SORBS2: variants seen among roughly 807,000 people sequenced by gnomAD.
SORBS2 encodes sorbin and SH3 domain-containing protein 2.
Under a neutral mutation model 97.7 loss-of-function variants are expected in SORBS2, and 46 were observed. That is an observed-to-expected ratio of 0.47 (90% CI 0.37 to 0.60). The LOEUF (loss-of-function observed/expected upper bound fraction) is 0.60, where lower values mean the gene tolerates loss of function less well. Among genes scored for constraint, SORBS2 ranks in the 20% least tolerant of loss-of-function variants. SORBS2 has a pLI of 0.00. For missense variants in SORBS2, 1,316 were observed against 1,282.3 expected (o/e 1.03, Z -0.40); for synonymous variants, 476 against 473.4 (o/e 1.01, Z -0.07).
intron 1 of SORBS2, among the ~76,000 whole-genome samples, chr4:185,831,964 C>T (rs1425449296): frequency 6.6e-6 from 1 of 152,224 alleles, no homozygotes; most frequent in Non-Finnish European, 1.5e-5. Flanking sequence ...AGCATAGTGT[C>T]TGGCACATAC....
chr4:185,716,053 G>A (rs942349606), intron 2 of SORBS2, among the ~76,000 whole-genome samples: 1 of 152,208 alleles, frequency 6.6e-6, no homozygotes, highest in Non-Finnish European at 1.5e-5. Context: ...GAAATAGACA[G>A]TTCCTATATC....
chr4:185,940,888 A>G (rs964255613), intron 1 of SORBS2, among the ~76,000 whole-genome samples: 5 of 152,112 alleles, frequency 3.3e-5, no homozygotes, highest in African/African-American at 1.2e-4. Context: ...TTCAGTCAGG[A>G]GAGACTTTTG....
chr4:185,700,081 G>A (rs1220012567), intron 2 of SORBS2, among the ~76,000 whole-genome samples: 2 of 152,226 alleles, frequency 1.3e-5, no homozygotes, highest in Non-Finnish European at 2.9e-5. Context: ...TAAGTAGAAA[G>A]ATGATCTTGA....
chr4:185,780,869 A>G (rs958227607), intron 1 of SORBS2, among the ~76,000 whole-genome samples: 8 of 152,192 alleles, frequency 5.3e-5, no homozygotes, highest in African/African-American at 1.7e-4. Context: ...TTATATAGAA[A>G]TAACTTCTTA....
chr4:185,757,568 C>T (rs2098838694), intron 2 of SORBS2, among the ~76,000 whole-genome samples: 1 of 152,128 alleles, frequency 6.6e-6, no homozygotes, highest in South Asian at 2.1e-4. Flanking sequence ...TCATTAAGGC[C>T]ACTTGCTTTA....
intron 1 of SORBS2, among the ~76,000 whole-genome samples, chr4:185,896,716 G>T (rs546086466): frequency 6.6e-6 from 1 of 152,150 alleles, no homozygotes; most frequent in African/African-American, 2.4e-5. Flanking sequence ...TTGGCAGGGG[G>T]TGCTCTGTGG....
At chr4:185,804,688 G>C (rs539089129) in intron 1 of SORBS2, among the ~76,000 whole-genome samples, 1 of 152,148 alleles carries the variant, frequency 6.6e-6, no homozygotes, top group Non-Finnish European at 1.5e-5. Context: ...AGCAAGTACA[G>C]AGTGAAATCT....
chr4:185,596,191 G>A (rs987090784), intron 12 of SORBS2, among the ~76,000 whole-genome samples: 8 of 152,126 alleles, frequency 5.3e-5, no homozygotes, highest in African/African-American at 1.9e-4. Flanking sequence ...TTGAGTAAAA[G>A]TTTCAACTTC....
chr4:185,771,864 C>G (rs2098973534), intron 2 of SORBS2: 1 of 152,148 alleles, frequency 6.6e-6, no homozygotes, highest in Non-Finnish European at 1.5e-5. Flanking sequence ...CTTAGCATTT[C>G]ATAACTGCCA....
chr4:185,674,192 C>T (rs1174273473), intron 4 of SORBS2, among the ~76,000 whole-genome samples: 3 of 152,208 alleles, frequency 2.0e-5, no homozygotes, highest in African/African-American at 7.2e-5. Context: ...AGAAATGCCT[C>T]AAACTTCCTG....
At chr4:185,877,262 A>G (rs1248708596) in intron 1 of SORBS2, among the ~76,000 whole-genome samples, 1 of 152,200 alleles carries the variant, frequency 6.6e-6, no homozygotes, top group East Asian at 1.9e-4. Flanking sequence ...TTAGCTATAA[A>G]ATTAAAGGCT....
chr4:185,772,751 T>C (rs1055757959), intron 2 of SORBS2: 1 of 152,168 alleles, frequency 6.6e-6, no homozygotes, highest in Non-Finnish European at 1.5e-5. Flanking sequence ...TGTGCCCTCA[T>C]GAAACTATAG....
intron 1 of SORBS2, among the ~76,000 whole-genome samples, chr4:185,942,103 C>A (rs975700799): frequency 6.6e-6 from 1 of 151,888 alleles, no homozygotes; most frequent in East Asian, 1.9e-4. Context: ...GTGACAGAGC[C>A]AGATTCCATT....
chr4:185,842,712 G>A (rs933665724), intron 1 of SORBS2, among the ~76,000 whole-genome samples: 6 of 152,054 alleles, frequency 3.9e-5, no homozygotes, highest in East Asian at 1.9e-4. Flanking sequence ...CAAGGTAGGC[G>A]GATCATGAGT....
At chr4:185,731,513 CCTAT>C (rs1326534294) in intron 2 of SORBS2, among the ~76,000 whole-genome samples, 2 of 101,090 alleles carry the variant, frequency 2.0e-5, no homozygotes, top group African/African-American at 3.8e-5. Context: ...TCCCTCCCTG[CCTAT>C]CTCTCTCCCC....
intron 1 of SORBS2, among the ~76,000 whole-genome samples, chr4:185,899,755 C>T (rs1249552553): frequency 6.6e-6 from 1 of 152,184 alleles, no homozygotes; most frequent in African/African-American, 2.4e-5. Flanking sequence ...CCAAGTGTTA[C>T]AGTAGAGCCC....
intron 1 of SORBS2, among the ~76,000 whole-genome samples, chr4:185,838,876 G>C (rs551496195): frequency 6.6e-6 from 1 of 152,274 alleles, no homozygotes; most frequent in African/African-American, 2.4e-5. Flanking sequence ...AGAATCACCA[G>C]AAGGTATCAC....
At chr4:185,709,250 C>T (rs2098391208) in intron 2 of SORBS2, among the ~76,000 whole-genome samples, 1 of 144,450 alleles carries the variant, frequency 6.9e-6, no homozygotes, top group African/African-American at 2.5e-5. Flanking sequence ...GAACTCCCGC[C>T]TTGGCCTCCC....
intron 2 of SORBS2, among the ~76,000 whole-genome samples, chr4:185,767,844 G>A (rs1185828501): frequency 6.6e-6 from 1 of 152,172 alleles, no homozygotes; most frequent in South Asian, 2.1e-4. Context: ...ACATGAGCCT[G>A]ATGGTGAGAC....
Sources: gnomAD v4.1 joint callset for allele counts (sites outside exome capture counted in the v4.1 genomes callset) on GRCh38, gnomAD v4.1.1 for gene constraint, MANE v1.5 for transcripts, NCBI Gene and HGNC (gene_info 2026-07-23, HGNC 2026-07-21) for gene names.